Variants in HNF1B observed in about 807,000 individuals in gnomAD.
HNF1B encodes the protein HNF1 homeobox B, also known as hepatocyte nuclear factor 1-beta.
In HNF1B, 8 loss-of-function variants were observed where a neutral mutation model predicts 61.7. The observed-to-expected ratio is 0.13, with a 90% CI of 0.08 to 0.23. The LOEUF (loss-of-function observed/expected upper bound fraction) is 0.23. Ranked by LOEUF, HNF1B falls within the 10% of genes least tolerant of loss-of-function variation. HNF1B has a pLI of 1.00. For synonymous variants in HNF1B, 314 were observed against 287.7 expected, an observed-to-expected ratio of 1.09 and a Z score of -0.93; for missense variants, 562 against 714.5, an observed-to-expected ratio of 0.79 and a Z score of 2.43.
At chr17:37,741,625 A>C (rs1475049065) in intron 1 of HNF1B, among the ~76,000 whole-genome samples, 2 of 152,370 alleles carry the variant, frequency 1.3e-5, no homozygotes, top group East Asian at 3.9e-4. Flanking sequence ...AATACTTTCA[A>C]CGGCTACGAA....
chr17:37,725,767 T>C (rs1401499268), intron 4 of HNF1B, among the ~76,000 whole-genome samples: 1 of 152,236 alleles, frequency 6.6e-6, no homozygotes, highest in Non-Finnish European at 1.5e-5. Context: ...ACTACCCTCA[T>C]AAACCCCTCC....
chr17:37,725,213 C>T (rs1158794524), intron 4 of HNF1B, among the ~76,000 whole-genome samples: 1 of 152,224 alleles, frequency 6.6e-6, no homozygotes, highest in Non-Finnish European at 1.5e-5. Context: ...TGCTTGCAGG[C>T]AGCTTCCTTC....
chr17:37,720,287 G>T (rs1250374948), intron 4 of HNF1B, among the ~76,000 whole-genome samples: 1 of 152,182 alleles, frequency 6.6e-6, no homozygotes, highest in Non-Finnish European at 1.5e-5. Flanking sequence ...TAAAATGAAT[G>T]AAAGTAGTAG....
At chr17:37,699,668 G>C (rs1023896019) in intron 7 of HNF1B, among the ~76,000 whole-genome samples, 1 of 152,334 alleles carries the variant, frequency 6.6e-6, no homozygotes, top group African/African-American at 2.4e-5. Flanking sequence ...CAGGTGAAGG[G>C]ATGGGGTAAG....
In HNF1B at chr17:37,744,657, G is replaced by A; in HGVS notation, c.228C>T (p.Gly76=). ...TNGHAKGRLS[G]DEGSEDGDDY... ...CGTCGCCGTCCTCGGAGCCCTCGTC[G>A]CCGGACAAGCGGCCCTTGGCGTGGC... is the stretch of plus-strand genomic sequence containing the variant. Residue 76 remains glycine, a synonymous_variant, in exon 1 of 9, where the codon GGC becomes GGT. Transcript: ENST00000617811. The A allele has an allele frequency of 1.2e-6, 2 of 1,613,074 alleles. No homozygotes were observed. The highest frequency in any genetic ancestry group is 1.3e-5 in the African/African-American group (1 of 75,078).
chr17:37,739,384 G>T lies in HNF1B; in HGVS notation c.544+56C>A, dbSNP rs965240406. On this transcript the variant is annotated intron_variant, in intron 2 of 8. Transcript: ENST00000617811. ...AAAGGGAAACTGAGGCAGCCAATGGGGTGAGAGGGCAAAGGTCACTTCAGG... is the reference window on the plus strand; with the variant it reads ...AAAGGGAAACTGAGGCAGCCAATGGTGTGAGAGGGCAAAGGTCACTTCAGG... 38 of 1,518,546 alleles carry T rather than the reference G, an allele frequency of 2.5e-5. No individual in the cohort carries two copies. The African/African-American group carries it at 4.1e-4, about 16-fold the overall frequency. The allele number at this position is 1,518,546 out of a possible 1,614,324, so 94.1% of individuals were successfully genotyped here. A position where few individuals can be genotyped will look rare whatever the true frequency, so the allele number is the denominator to read the frequency against.
intron 5 of HNF1B, among the ~76,000 whole-genome samples, chr17:37,709,314 G>A (rs1405829399): frequency 1.3e-5 from 2 of 152,186 alleles, no homozygotes; most frequent in Admixed American, 1.3e-4. Context: ...GAGTGCAGTG[G>A]TGTGAGCTCA....
At chr17:37,712,278 G>A (rs2032960425) in intron 4 of HNF1B, among the ~76,000 whole-genome samples, 2 of 152,222 alleles carry the variant, frequency 1.3e-5, no homozygotes, top group South Asian at 4.1e-4. Flanking sequence ...ATTGGTTTAA[G>A]GCACTACATT....
intron 8 of HNF1B, among the ~76,000 whole-genome samples, chr17:37,687,927 G>C (rs1428769236): frequency 6.6e-6 from 1 of 152,154 alleles, no homozygotes; most frequent in African/African-American, 2.4e-5. Context: ...TTTCTAACAA[G>C]TTCCCAGGGT....
intron 5 of HNF1B, among the ~76,000 whole-genome samples, chr17:37,706,390 A>C (rs926707316): frequency 6.6e-6 from 1 of 152,054 alleles, no homozygotes; most frequent in African/African-American, 2.4e-5. Context: ...TGAGTAACTC[A>C]ACTTTCCTTC....
At chr17:37,712,728 TC>T (rs2032977169) in intron 4 of HNF1B, among the ~76,000 whole-genome samples, 1 of 152,362 alleles carries the variant, frequency 6.6e-6, no homozygotes, top group South Asian at 2.1e-4. Flanking sequence ...ACTTTCCCTC[TC>T]TGTGCCTTTG....
In HNF1B at chr17:37,733,745, T is replaced by C; in HGVS notation, c.621A>G (p.Pro207=). The change falls in exon 3 of 9, where the codon CCA becomes CCG. Residue 207 remains proline, a synonymous_variant. Coordinates refer to ENST00000617811, the MANE Select transcript of HNF1B (RefSeq NM_000458.4). ...GCCCATGGCTCTGTTGACTGAACTC[T>C]GGAAAGAGAAACAGCAGCTGATCCT... is the stretch of plus-strand genomic sequence containing the variant. ...SSQDQLLFLF[P]EFSQQSHGPG... 2 of 1,614,184 alleles carry C rather than the reference T, an allele frequency of 1.2e-6. No homozygotes were observed. Among genetic ancestry groups the C allele is most frequent in the Non-Finnish European group, 1.7e-6 (2 of 1,180,026 alleles).
In HNF1B at chr17:37,711,134, T is replaced by C. The variant is rs143111180; in HGVS notation, c.1046-471A>G. 4.0e-4 allele frequency among the ~76,000 whole-genome samples: 61 copies of C among 152,292 alleles called. 1 individual carries two copies. Among genetic ancestry groups the C allele is most frequent in the African/African-American group, 1.4e-3 (60 of 41,566 alleles). ...GTGCTGCAAAGTATAAGTAGACCCATGTGACGAAGAAGAAGCCCTTGTCCA... is the reference window on the plus strand; with the variant it reads ...GTGCTGCAAAGTATAAGTAGACCCACGTGACGAAGAAGAAGCCCTTGTCCA... On this transcript the variant is annotated intron_variant, in intron 4 of 8. Transcript: ENST00000617811.
chr17:37,705,035 T>G lies in HNF1B; in HGVS notation c.1221A>C (p.Gly407=), dbSNP rs1352440666. Residue 407 remains glycine (G), a synonymous_variant, in exon 6 of 9, where the codon GGA becomes GGC. Coordinates refer to ENST00000617811, the MANE Select transcript of HNF1B (RefSeq NM_000458.4). The part of the protein sequence containing the change: ...SPDGKMISVS[G]GGLPPVSTLT... ...AGGTGCTGACTGGGGGCAAACCTCC[T>G]CCTGAGACTGAGATCTGATGGAGAG... 2 of 1,613,776 alleles carry G rather than the reference T, an allele frequency of 1.2e-6. No homozygotes were observed. The highest frequency in any genetic ancestry group is 1.7e-6 in the Non-Finnish European group (2 of 1,179,898).
Position 37,744,579 on chromosome 17 carries a change from C to G in HNF1B, c.306G>C (p.Glu102Asp). 2 of 1,606,736 alleles carry G rather than the reference C, an allele frequency of 1.2e-6. No individual in the cohort carries two copies. The highest frequency in any genetic ancestry group is 1.7e-6 in the Non-Finnish European group (2 of 1,179,930). Residue 102 changes from glutamate to aspartate, a missense_variant, in exon 1 of 9, where the codon GAG becomes GAC. Physicochemically the swap from Glu to Asp is conservative, Grantham distance 45. This residue lies in a region of HNF1B where 148 missense variants were observed against 147.3 expected (regional missense o/e 1.00). Transcript: ENST00000617811. Reference sequence around the variant, plus strand: ...CCACCTCCGCCCGCTGCTCCGCCGCCTCCTCGGTGTTGAGCGCCTGCAGCT... The same window carrying G: ...CCACCTCCGCCCGCTGCTCCGCCGCGTCCTCGGTGTTGAGCGCCTGCAGCT... ...LKELQALNTE[E>D]AAEQRAEVDR...
chr17:37,707,608 G>C (rs2032793412), intron 5 of HNF1B, among the ~76,000 whole-genome samples: 1 of 152,122 alleles, frequency 6.6e-6, no homozygotes, highest in Non-Finnish European at 1.5e-5. Flanking sequence ...CTATTTCATA[G>C]AGAAGGATAC....
At chr17:37,728,339 C>T (rs2033573186) in intron 4 of HNF1B, among the ~76,000 whole-genome samples, 1 of 149,868 alleles carries the variant, frequency 6.7e-6, no homozygotes, top group African/African-American at 2.5e-5. Context: ...CGGAGTCTCG[C>T]TCTGTCACCC....
intron 4 of HNF1B, among the ~76,000 whole-genome samples, chr17:37,711,572 G>A (rs1222676543): frequency 2.0e-5 from 3 of 152,224 alleles, no homozygotes; most frequent in African/African-American, 7.2e-5. Context: ...CTAAAAGAAC[G>A]CCTGGGTCCA....
intron 1 of HNF1B, among the ~76,000 whole-genome samples, chr17:37,743,015 T>C (rs979266624): frequency 1.2e-4 from 18 of 152,134 alleles, no homozygotes; most frequent in African/African-American, 3.4e-4. Context: ...TGATGATTTA[T>C]AGAAATAAAT....
Sources: allele counts gnomAD v4.1 joint callset (sites outside exome capture counted in the v4.1 genomes callset), GRCh38; gene constraint gnomAD v4.1.1; regional missense constraint gnomAD v4.1.1; transcripts MANE v1.5; gene names NCBI Gene and HGNC (gene_info 2026-07-23, HGNC 2026-07-21).